Variants in AXIN2 observed in about 807,000 individuals in gnomAD.
AXIN2 encodes axin 2, also known as axin-2.
AXIN2 carries 21 observed loss-of-function variants against 74.7 expected under a neutral mutation model. The ratio of observed to expected loss-of-function variants is 0.28; its 90% CI spans 0.20 to 0.40. The LOEUF (loss-of-function observed/expected upper bound fraction) is 0.40. AXIN2 is among the 10% of genes least tolerant of loss of function. The pLI is 1.00. For missense variants in AXIN2, 1,144 were observed against 1,111.1 expected, an observed-to-expected ratio of 1.03 and a Z score of -0.42; for synonymous variants, 532 against 454.9, an observed-to-expected ratio of 1.17 and a Z score of -2.16.
rs1298194975 is a variant in AXIN2 at position 65,561,507 on chromosome 17, C to T, written c.-174G>A. On this transcript the variant is annotated 5_prime_UTR_variant, in exon 1 of 11. Coordinates refer to ENST00000307078, the MANE Select transcript of AXIN2 (RefSeq NM_004655.4). ...GCCGCCGGGCGGCCCCGAAATCCAT[C>T]GCTCTGAGGGGTTATTTTTATTTCC... The T allele has an allele frequency of 6.6e-6, 1 of 150,482 alleles. No individual in the cohort carries two copies. The highest frequency in any genetic ancestry group is 1.5e-5 in the Non-Finnish European group (1 of 67,332). The allele number at this position is 150,482 out of a possible 1,614,324, so 9.3% of individuals were successfully genotyped here.
intron 1 of AXIN2, 48 bp downstream of exon 1, chr17:65,561,402 G>A (rs2044373854): frequency 1.3e-5 from 2 of 148,158 alleles, no homozygotes; most frequent in Non-Finnish European, 3.0e-5. Context: ...CTGTAAGAGG[G>A]GGGCTTTCTT....
chr17:65,549,313 C>G (rs1377065456), intron 3 of AXIN2, among the ~76,000 whole-genome samples: 1 of 152,198 alleles, frequency 6.6e-6, no homozygotes, highest in Non-Finnish European at 1.5e-5. Flanking sequence ...ACTTTCAAAG[C>G]TCTAAGCTTT....
At chr17:65,553,613 GACTACTGTGTGACCAGT>G (rs1408377171) in intron 2 of AXIN2, among the ~76,000 whole-genome samples, 1 of 152,078 alleles carries the variant, frequency 6.6e-6, no homozygotes, top group Non-Finnish European at 1.5e-5. Flanking sequence ...CAACATAGAG[GACTACTGTGTGACCAGT>G]AATTAAAAAT....
At chr17:65,533,503 C>T (rs945244146) in intron 10 of AXIN2, among the ~76,000 whole-genome samples, 1 of 152,210 alleles carries the variant, frequency 6.6e-6, no homozygotes, top group African/African-American at 2.4e-5. Flanking sequence ...CTTCCAGACC[C>T]TCCCTCCTAA....
Position 65,538,362 on chromosome 17 carries a change from A to T in AXIN2, c.1060-19T>A, listed in dbSNP as rs778629171. The T allele has an allele frequency of 6.2e-7, 1 of 1,613,812 alleles. No individual in the cohort carries two copies. The highest frequency in any genetic ancestry group is 8.5e-7 in the Non-Finnish European group (1 of 1,179,814). On this transcript the variant is annotated intron_variant, in intron 4 of 10. Transcript: ENST00000307078. ...GGGTTCTCTACAGGACGTGGAAAGG[A>T]AAGGGAGGAGGCACGTTCAGCAGGC...
rs781562976 is a variant in AXIN2 at position 65,538,163 on chromosome 17, G to C, written c.1200+40C>G. On this transcript the variant is annotated intron_variant, in intron 5 of 10. Transcript: ENST00000307078. ...TGCGCATACACATACGAGCGCTCACGCCGTGGACGGAAGCAGGAAGAAGGC... is the reference window on the plus strand; with the variant it reads ...TGCGCATACACATACGAGCGCTCACCCCGTGGACGGAAGCAGGAAGAAGGC... The C allele has an allele frequency of 8.1e-6, 13 of 1,613,612 alleles. No homozygotes were observed. In the African/African-American group the frequency reaches 9.4e-5, roughly 12 times the overall value.
Position 65,537,825 on chromosome 17 carries a change from C to A in AXIN2, c.1211G>T (p.Arg404Ile). ...RLQQIREDEE[R>I]EGSELTLNSR... Reference sequence around the variant, plus strand: ...ATTGAGTGTGAGCTCGGAGCCCTCTCTCTCTTCATCCTGAAAGGGAAGACG... The same window carrying A: ...ATTGAGTGTGAGCTCGGAGCCCTCTATCTCTTCATCCTGAAAGGGAAGACG... Residue 404 changes from arginine to isoleucine, a missense_variant, in exon 6 of 11, where the codon AGA becomes ATA. Around this residue, in one of 4 missense-constraint regions of AXIN2, gnomAD observed 1,053 missense variants for 973.5 expected, o/e 1.08. Transcript: ENST00000307078. 2.6e-6 allele frequency: 4 copies of A among 1,562,346 alleles called. No homozygotes were observed. Among genetic ancestry groups the A allele is most frequent in the Non-Finnish European group, 3.5e-6 (4 of 1,154,122 alleles).
chr17:65,556,190 A>C (rs2044264260), intron 2 of AXIN2, among the ~76,000 whole-genome samples: 1 of 152,026 alleles, frequency 6.6e-6, no homozygotes, highest in Non-Finnish European at 1.5e-5. Flanking sequence ...AAAACCACAC[A>C]CTGTGCTATT....
intron 3 of AXIN2, among the ~76,000 whole-genome samples, chr17:65,546,153 GC>G (rs1448119637): frequency 6.8e-6 from 1 of 148,026 alleles, no homozygotes; most frequent in Non-Finnish European, 1.5e-5. Context: ...GGGAGAAACA[GC>G]CAGGGCTCTT....
chr17:65,544,634 T>C (rs978067687), intron 3 of AXIN2, among the ~76,000 whole-genome samples: 4 of 152,208 alleles, frequency 2.6e-5, no homozygotes, highest in African/African-American at 9.6e-5. Context: ...ATCAGTTTCC[T>C]GGCTGCTCAA....
At position 65,558,712 on chromosome 17, in the gene AXIN2, G is replaced by T; in HGVS notation, c.-92C>A. The T allele has an allele frequency of 1.5e-6, 2 of 1,313,494 alleles. No individual in the cohort carries two copies. Among genetic ancestry groups the T allele is most frequent in the Non-Finnish European group, 2.1e-6 (2 of 944,060 alleles). 81.4% of individuals were successfully genotyped at this position (1,313,494 alleles called of 1,614,324 possible). On this transcript the variant is annotated 5_prime_UTR_variant, in exon 2 of 11. The change creates a new upstream start codon in the 5' untranslated region. Coordinates refer to ENST00000307078, the MANE Select transcript of AXIN2 (RefSeq NM_004655.4). ...TGGTCTCTCTGTCTCTCTCAAGTCA[G>T]CAGGGGCTCATCTGAACCTCCTCTC...
Position 65,536,883 on chromosome 17 carries a change from C to G in AXIN2, c.1893G>C (p.Lys631Asn), listed in dbSNP as rs761440645. Reference protein sequence around the residue: ...QWMLESERQSKPKPHSAQSTK... With the variant: ...QWMLESERQSNPKPHSAQSTK... ...GCGGTGTTTACCTATGGGGCTTGGG[C>G]TTGCTCTGCCGCTCACTCTCCAGCA... The change falls in exon 7 of 11, where the codon AAG becomes AAC. Residue 631 changes from lysine to asparagine, a missense_variant. Physicochemically the swap from Lys to Asn is moderately conservative, Grantham distance 94. Coordinates refer to ENST00000307078, the MANE Select transcript of AXIN2 (RefSeq NM_004655.4). The G allele has an allele frequency of 2.5e-6, 4 of 1,613,356 alleles. No individual in the cohort carries two copies. The South Asian group carries it at 4.4e-5, about 18-fold the overall frequency.
At chr17:65,560,641 G>A (rs966936683) in intron 1 of AXIN2, 4 of 151,894 alleles carry the variant, frequency 2.6e-5, no homozygotes, top group African/African-American at 9.7e-5. Flanking sequence ...CTGGGGAGGG[G>A]GCTCCGGCGC....
At chr17:65,537,250 C>T (rs2043942307) in intron 6 of AXIN2, 74 bp downstream of exon 6, 1 of 1,601,832 alleles carries the variant, frequency 6.2e-7, no homozygotes, top group African/African-American at 1.3e-5. Flanking sequence ...ATGCGGCTCC[C>T]ACCTCACACC....
At chr17:65,555,152 G>A (rs1046587599) in intron 2 of AXIN2, among the ~76,000 whole-genome samples, 6 of 152,186 alleles carry the variant, frequency 3.9e-5, no homozygotes, top group African/African-American at 9.7e-5. Flanking sequence ...TTGAGTGCCC[G>A]AGGTAAACAC....
intron 5 of AXIN2, 140 bp from the exon 6 acceptor site, chr17:65,537,975 C>A: frequency 1.5e-6 from 2 of 1,343,616 alleles, no homozygotes; most frequent in East Asian, 2.5e-5. Flanking sequence ...CGCACACGCA[C>A]AGGCCCGCCT....
At chr17:65,545,472 G>A (rs1204847672) in intron 3 of AXIN2, among the ~76,000 whole-genome samples, 3 of 152,104 alleles carry the variant, frequency 2.0e-5, no homozygotes, top group African/African-American at 4.8e-5. Flanking sequence ...GGTGGGTCAC[G>A]AAGTCAAGAG....
chr17:65,541,648 C>G, intron 3 of AXIN2, 91 bp from the exon 4 acceptor site: 1 of 1,079,274 alleles, frequency 9.3e-7, no homozygotes, highest in Non-Finnish European at 1.4e-6. Flanking sequence ...CTTGAGATCC[C>G]GCCGACAGGG....
chr17:65,538,571 G>A (rs957509903), intron 4 of AXIN2, among the ~76,000 whole-genome samples: 2 of 147,284 alleles, frequency 1.4e-5, no homozygotes, highest in Admixed American at 1.4e-4. Flanking sequence ...GCAGTTGGTC[G>A]CACTCCGAGA....
Sources: gnomAD v4.1 joint callset for allele counts (sites outside exome capture counted in the v4.1 genomes callset) on GRCh38, gnomAD v4.1.1 for gene constraint, gnomAD v4.1.1 regional missense constraint, MANE v1.5 for transcripts, NCBI Gene and HGNC (gene_info 2026-07-23, HGNC 2026-07-21) for gene names.